Variants in ANGPT1 observed in about 807,000 individuals in gnomAD.
ANGPT1 encodes angiopoietin 1.
A neutral mutation model predicts 62.2 loss-of-function variants in ANGPT1; 17 were observed. The ratio of observed to expected loss-of-function variants is 0.27; its 90% CI spans 0.19 to 0.41. The LOEUF (loss-of-function observed/expected upper bound fraction) is 0.41. ANGPT1 is among the 10% of genes least tolerant of loss of function. The pLI, the probability that ANGPT1 is intolerant of heterozygous loss-of-function variation, is 1.00. For synonymous variants in ANGPT1, 199 were observed against 198.9 expected (o/e 1.00, Z 0.00); for missense variants, 478 against 594.9 (o/e 0.80, Z 2.04).
rs1011351529 is a variant in ANGPT1, at chr8:107,405,982, T to C, written c.298-58885A>G. Among the ~76,000 whole-genome samples, 4 of 152,112 alleles carry C rather than the reference T, an allele frequency of 2.6e-5. No homozygotes were observed. In the East Asian group the frequency reaches 7.7e-4, roughly 29 times the overall value. ...ATTTTAAACTGTGTGTTTGGGTGTT[T>C]ATGTTTAAATAATTTCTACTCTCAC... On this transcript the variant is annotated intron_variant, in intron 1 of 8. Coordinates refer to ENST00000517746, the MANE Select transcript of ANGPT1 (RefSeq NM_001146.5).
At chr8:107,481,013 A>G (rs779033998) in intron 1 of ANGPT1, among the ~76,000 whole-genome samples, 1 of 152,198 alleles carries the variant, frequency 6.6e-6, no homozygotes, top group Non-Finnish European at 1.5e-5. Context: ...CCAAAGAACC[A>G]TAACATCTGC....
intron 3 of ANGPT1, among the ~76,000 whole-genome samples, chr8:107,334,721 T>C (rs1297516641): frequency 6.6e-6 from 1 of 152,186 alleles, no homozygotes; most frequent in Non-Finnish European, 1.5e-5. Context: ...AATTAAACCA[T>C]AAAGGGGTGA....
At chr8:107,280,731 T>C (rs931051287) in intron 7 of ANGPT1, among the ~76,000 whole-genome samples, 1 of 152,106 alleles carries the variant, frequency 6.6e-6, no homozygotes, top group Non-Finnish European at 1.5e-5. Context: ...CATAATTAGG[T>C]AGTGGCCAGG....
chr8:107,459,489 AAAC>A (rs139781448), intron 1 of ANGPT1, among the ~76,000 whole-genome samples: 12,928 of 149,988 alleles, frequency 0.086, 588 homozygotes, highest in Middle Eastern at 0.11. Flanking sequence ...ACTCCTTATC[AAAC>A]AACAACAACA....
chr8:107,355,381 C>G (rs982720000), intron 1 of ANGPT1, among the ~76,000 whole-genome samples: 2 of 152,188 alleles, frequency 1.3e-5, no homozygotes, highest in African/African-American at 2.4e-5. Context: ...TCCAATCCAT[C>G]ATCCATGCCA....
Position 107,251,102 on chromosome 8 carries a change from A to C in ANGPT1, c.*753T>G, listed in dbSNP as rs1307940519. ...TGAAAACCATAGTATGGGGGTGGTA[A>C]GTTTTCACCACATACATCCTTACTT... On this transcript the variant is annotated 3_prime_UTR_variant, in exon 9 of 9. Coordinates refer to ENST00000517746, the MANE Select transcript of ANGPT1 (RefSeq NM_001146.5). 1 of 152,132 alleles carries C rather than the reference A, an allele frequency of 6.6e-6. No individual in the cohort carries two copies. The highest frequency in any genetic ancestry group is 2.4e-5 in the African/African-American group (1 of 41,448). 9.4% of individuals were successfully genotyped at this position (152,132 alleles called of 1,614,324 possible). A position where few individuals can be genotyped will look rare whatever the true frequency, so the allele number is the denominator to read the frequency against.
In ANGPT1 at chr8:107,253,177, T is replaced by C. The variant is rs1051578704; in HGVS notation, c.1337-1162A>G. ...ATAGTGGGGAACCACAAGGTATGTC[T>C]TGATGAATTTGGAAAGACATTATAT... On this transcript the variant is annotated intron_variant, in intron 8 of 8. Coordinates refer to ENST00000517746, the MANE Select transcript of ANGPT1 (RefSeq NM_001146.5). 2.0e-5 allele frequency among the ~76,000 whole-genome samples: 3 copies of C among 152,342 alleles called. No individual in the cohort carries two copies. The South Asian group carries it at 6.2e-4, about 32-fold the overall frequency.
intron 1 of ANGPT1, among the ~76,000 whole-genome samples, chr8:107,376,536 GT>G (rs1347612235): frequency 1.3e-5 from 2 of 151,670 alleles, no homozygotes; most frequent in African/African-American, 4.9e-5. Flanking sequence ...TTGTTTGTTT[GT>G]TTTTGTTTTT....
chr8:107,381,539 C>T (rs756398443), intron 1 of ANGPT1, among the ~76,000 whole-genome samples: 8 of 152,128 alleles, frequency 5.3e-5, no homozygotes, highest in Non-Finnish European at 1.2e-4. Flanking sequence ...AGTGTGAGGG[C>T]AGCCCTGAAG....
intron 1 of ANGPT1, among the ~76,000 whole-genome samples, chr8:107,453,519 G>A (rs1180935067): frequency 5.3e-5 from 8 of 151,986 alleles, no homozygotes; most frequent in Non-Finnish European, 1.2e-4. Context: ...GATCTCGTGA[G>A]CCTTATTCAC....
chr8:107,493,427 G>T (rs1333596797), intron 1 of ANGPT1, among the ~76,000 whole-genome samples: 1 of 150,234 alleles, frequency 6.7e-6, no homozygotes, highest in South Asian at 2.2e-4. Context: ...AAGATGAATT[G>T]GAGTGACTAG....
chr8:107,312,371 T>C (rs914031543), intron 4 of ANGPT1, among the ~76,000 whole-genome samples: 8 of 152,230 alleles, frequency 5.3e-5, no homozygotes, highest in Non-Finnish European at 1.0e-4. Flanking sequence ...TGGGAAAGCT[T>C]AAGGGGCATC....
intron 1 of ANGPT1, among the ~76,000 whole-genome samples, chr8:107,364,423 G>A (rs1816231453): frequency 6.6e-6 from 1 of 152,102 alleles, no homozygotes; most frequent in African/African-American, 2.4e-5. Flanking sequence ...TGGGATTACA[G>A]GTGTGCGCCA....
At chr8:107,252,095 T>C in intron 8 of ANGPT1, 80 bp from the exon 9 acceptor site, 1 of 1,455,922 alleles carries the variant, frequency 6.9e-7, no homozygotes, top group Non-Finnish European at 9.4e-7. Context: ...ATTAATGGCA[T>C]TAAATGATGG....
chr8:107,463,153 T>C (rs1812114748), intron 1 of ANGPT1, among the ~76,000 whole-genome samples: 1 of 152,168 alleles, frequency 6.6e-6, no homozygotes, highest in Admixed American at 6.6e-5. Context: ...CTTTTCAGCA[T>C]GCATGCTTTG....
intron 1 of ANGPT1, among the ~76,000 whole-genome samples, chr8:107,419,700 G>A (rs1458395560): frequency 6.6e-6 from 1 of 152,088 alleles, no homozygotes; most frequent in Non-Finnish European, 1.5e-5. Flanking sequence ...CTCCCCTACA[G>A]AGACAAGGAG....
intron 1 of ANGPT1, among the ~76,000 whole-genome samples, chr8:107,378,715 C>T (rs770620038): frequency 7.9e-5 from 12 of 152,166 alleles, no homozygotes; most frequent in Non-Finnish European, 1.6e-4. Flanking sequence ...ATAACGGGCT[C>T]TTCCCCCTTC....
intron 6 of ANGPT1, among the ~76,000 whole-genome samples, chr8:107,285,668 C>T (rs996501313): frequency 6.6e-6 from 1 of 151,934 alleles, no homozygotes; most frequent in African/African-American, 2.4e-5. Context: ...AAAAAGTGGT[C>T]CCAAAAGAAA....
chr8:107,483,325 C>G (rs191302204), intron 1 of ANGPT1, among the ~76,000 whole-genome samples: 286 of 152,068 alleles, frequency 1.9e-3, no homozygotes, highest in African/African-American at 6.7e-3. Context: ...CTTAGTTTCT[C>G]TCTATATTCA....
Sources: gnomAD v4.1 joint callset for allele counts (sites outside exome capture counted in the v4.1 genomes callset) on GRCh38, gnomAD v4.1.1 for gene constraint, MANE v1.5 for transcripts, NCBI Gene and HGNC (gene_info 2026-07-23, HGNC 2026-07-21) for gene names.